Variants in KCNIP1 observed in about 807,000 individuals in gnomAD.
KCNIP1 encodes the protein A-type potassium channel modulatory protein KCNIP1.
In KCNIP1, 18 loss-of-function variants were observed where a neutral mutation model predicts 33.0. The observed-to-expected ratio is 0.55, with a 90% CI of 0.38 to 0.81. The LOEUF (loss-of-function observed/expected upper bound fraction) is 0.81. Ranked by LOEUF, KCNIP1 falls within the 30% of genes least tolerant of loss-of-function variation. KCNIP1 has a pLI of 0.00. For synonymous variants in KCNIP1, 93 were observed against 98.3 expected, an observed-to-expected ratio of 0.95 and a Z score of 0.32; for missense variants, 238 against 271.6, an observed-to-expected ratio of 0.88 and a Z score of 0.87.
intron 1 of KCNIP1, among the ~76,000 whole-genome samples, chr5:170,525,312 C>T (rs898435468): frequency 6.6e-6 from 1 of 152,208 alleles, no homozygotes; most frequent in African/African-American, 2.4e-5. Context: ...CCTTCCTGAG[C>T]CTCAGTTTTC....
chr5:170,511,673 A>T (rs1010178496), intron 1 of KCNIP1, among the ~76,000 whole-genome samples: 1 of 152,216 alleles, frequency 6.6e-6, no homozygotes, highest in Non-Finnish European at 1.5e-5. Flanking sequence ...GTGTTATTTT[A>T]TTAACCCCAA....
intron 1 of KCNIP1, among the ~76,000 whole-genome samples, chr5:170,417,796 A>G (rs1375779102): frequency 6.6e-6 from 1 of 152,180 alleles, no homozygotes; most frequent in African/African-American, 2.4e-5. Context: ...CAACGAATAC[A>G]TTTACCTGAT....
intron 1 of KCNIP1, among the ~76,000 whole-genome samples, chr5:170,567,513 A>T (rs1158345325): frequency 6.6e-6 from 1 of 152,202 alleles, no homozygotes; most frequent in African/African-American, 2.4e-5. Context: ...AGGCAAAGAG[A>T]AGTCCAGAGG....
At chr5:170,726,723 G>A (rs1764017269) in intron 5 of KCNIP1, among the ~76,000 whole-genome samples, 1 of 130,750 alleles carries the variant, frequency 7.6e-6, no homozygotes. Context: ...AACATGGCGA[G>A]ACACTGTCTC....
In KCNIP1 at chr5:170,720,405, GA is replaced by G. The variant is rs1763778615; in HGVS notation, c.256+18del. 6.3e-7 allele frequency: 1 copy of G among 1,599,090 alleles called. No homozygotes were observed. Among genetic ancestry groups the G allele is most frequent in the Non-Finnish European group, 8.6e-7 (1 of 1,166,334 alleles). The stretch of plus-strand genomic sequence containing the variant: ...CCCTCATGGAGGTGAGTCTGACCTT[GA>G]AATCTATCTTGCCCAGCTCCCTCTC... On this transcript the variant is annotated intron_variant, in intron 3 of 7. Transcript: ENST00000328939.
At chr5:170,406,465 A>G (rs539202944) in intron 1 of KCNIP1, among the ~76,000 whole-genome samples, 1 of 152,336 alleles carries the variant, frequency 6.6e-6, no homozygotes, top group East Asian at 1.9e-4. Flanking sequence ...AATGGACATA[A>G]TAACCCATAC....
chr5:170,434,346 T>C (rs573894155), intron 1 of KCNIP1, among the ~76,000 whole-genome samples: 61 of 152,210 alleles, frequency 4.0e-4, no homozygotes, highest in Non-Finnish European at 6.6e-4. Flanking sequence ...GCATGAAATA[T>C]AGCCAGTGTT....
At chr5:170,379,146 C>T (rs1432524621) in intron 1 of KCNIP1, among the ~76,000 whole-genome samples, 1 of 152,182 alleles carries the variant, frequency 6.6e-6, no homozygotes, top group African/African-American at 2.4e-5. Context: ...AGAGCACGCT[C>T]TCATTTGTGT....
intron 1 of KCNIP1, among the ~76,000 whole-genome samples, chr5:170,436,342 C>T (rs1289943639): frequency 6.6e-6 from 1 of 152,218 alleles, no homozygotes; most frequent in Non-Finnish European, 1.5e-5. Flanking sequence ...CCCTGCAGGG[C>T]CTGTTCCTGC....
At chr5:170,448,070 T>C (rs933695872) in intron 1 of KCNIP1, among the ~76,000 whole-genome samples, 21 of 152,118 alleles carry the variant, frequency 1.4e-4, no homozygotes, top group African/African-American at 5.1e-4. Context: ...CCCTGGATTT[T>C]ACTGTTTATT....
At position 170,566,858 on chromosome 5, in the gene KCNIP1, G is replaced by A. The variant is rs111425262; in HGVS notation, c.61+62225G>A. The stretch of plus-strand genomic sequence containing the variant: ...TGCAAATCATAAACCAGGAAAAGGA[G>A]GAAAACAAGCACGAGGAATTAGGAA... On this transcript the variant is annotated intron_variant, in intron 1 of 7. Transcript: ENST00000328939. 6.6e-3 allele frequency among the ~76,000 whole-genome samples: 1,002 copies of A among 152,300 alleles called. 13 individuals are homozygous for A. The highest frequency in any genetic ancestry group is 0.022 in the African/African-American group (904 of 41,554).
At chr5:170,454,705 A>C (rs898443275) in intron 1 of KCNIP1, among the ~76,000 whole-genome samples, 1 of 152,354 alleles carries the variant, frequency 6.6e-6, no homozygotes, top group South Asian at 2.1e-4. Flanking sequence ...CAGAATTAAG[A>C]ATGTTTTTAT....
chr5:170,520,126 A>G (rs142391242), intron 1 of KCNIP1, among the ~76,000 whole-genome samples: 99 of 152,302 alleles, frequency 6.5e-4, no homozygotes, highest in East Asian at 1.5e-3. Flanking sequence ...GGGATGAAGC[A>G]TGTATACCTC....
chr5:170,508,041 G>C (rs928146788), intron 1 of KCNIP1, among the ~76,000 whole-genome samples: 3 of 152,216 alleles, frequency 2.0e-5, no homozygotes, highest in African/African-American at 7.2e-5. Flanking sequence ...GAGAACCAGA[G>C]GAGGACCATA....
At chr5:170,729,153 T>A (rs34526367) in intron 5 of KCNIP1, among the ~76,000 whole-genome samples, 9,046 of 151,918 alleles carry the variant, frequency 0.06, 337 homozygotes, top group Middle Eastern at 0.12. Flanking sequence ...GCTTTTTAAC[T>A]AAAAAAGAAC....
intron 1 of KCNIP1, among the ~76,000 whole-genome samples, chr5:170,554,405 T>A (rs1756768322): frequency 6.6e-6 from 1 of 152,166 alleles, no homozygotes; most frequent in Admixed American, 6.5e-5. Flanking sequence ...TTTAGTTAAG[T>A]CTTGTCTAAC....
At chr5:170,681,709 A>G (rs1762358077) in intron 1 of KCNIP1, among the ~76,000 whole-genome samples, 2 of 152,092 alleles carry the variant, frequency 1.3e-5, no homozygotes, top group South Asian at 4.1e-4. Context: ...TTCCAAAGCC[A>G]CCTCCTCAGC....
At chr5:170,663,507 T>C (rs1295483336) in intron 1 of KCNIP1, among the ~76,000 whole-genome samples, 1 of 152,046 alleles carries the variant, frequency 6.6e-6, no homozygotes, top group African/African-American at 2.4e-5. Context: ...AGACAAGGAG[T>C]TTGGGCACTG....
At chr5:170,553,255 C>G (rs1389374508) in intron 1 of KCNIP1, among the ~76,000 whole-genome samples, 1 of 152,260 alleles carries the variant, frequency 6.6e-6, no homozygotes, top group Non-Finnish European at 1.5e-5. Flanking sequence ...ACCTGTACCC[C>G]TGTGTCGAAA....
Sources: gnomAD v4.1 joint callset for allele counts (sites outside exome capture counted in the v4.1 genomes callset) on GRCh38, gnomAD v4.1.1 for gene constraint, MANE v1.5 for transcripts, NCBI Gene and HGNC (gene_info 2026-07-23, HGNC 2026-07-21) for gene names.